The following SERTM1 variants were observed in gnomAD, a reference collection of about 807,000 sequenced individuals.
The protein encoded by SERTM1 is serine-rich and transmembrane domain-containing protein 1.
SERTM1 carries 1 observed loss-of-function variant against 5.5 expected under a neutral mutation model. The observed-to-expected ratio is 0.18, with a 90% CI of 0.06 to 0.86. The LOEUF (loss-of-function observed/expected upper bound fraction) is 0.86. Ranked by LOEUF, SERTM1 falls within the 40% of genes least tolerant of loss-of-function variation. The pLI, the probability that SERTM1 is intolerant of heterozygous loss-of-function variation, is 0.69. For synonymous variants in SERTM1, 52 were observed against 55.1 expected (o/e 0.94, Z 0.25); for missense variants, 91 against 122.4 (o/e 0.74, Z 1.21).
Position 36,694,876 on chromosome 13 carries a change from A to G in SERTM1, c.-173-30A>G. 7.3e-6 allele frequency: 4 copies of G among 546,622 alleles called. No homozygotes were observed. In the South Asian group the frequency reaches 1.1e-4, roughly 15 times the overall value. 33.9% of individuals were successfully genotyped at this position (546,622 alleles called of 1,614,324 possible). A position where few individuals can be genotyped will look rare whatever the true frequency, so the allele number is the denominator to read the frequency against. The stretch of plus-strand genomic sequence containing the variant: ...TGGAATTTAAATGTGATTTTTCTGA[A>G]GAATGCACTGACTTGCTTTTTTTTT... On this transcript the variant is annotated intron_variant, in intron 1 of 1. Coordinates refer to ENST00000315190, the MANE Select transcript of SERTM1 (RefSeq NM_203451.3).
chr13:36,685,343 T>C (rs1421383859), intron 1 of SERTM1, among the ~76,000 whole-genome samples: 2 of 152,162 alleles, frequency 1.3e-5, no homozygotes, highest in Non-Finnish European at 2.9e-5. Flanking sequence ...CCTCTTTCTG[T>C]TTTCTCCCTT....
intron 1 of SERTM1, among the ~76,000 whole-genome samples, chr13:36,685,855 T>C (rs1465319818): frequency 1.3e-5 from 2 of 152,230 alleles, no homozygotes; most frequent in African/African-American, 4.8e-5. Flanking sequence ...CTGCTGCTTC[T>C]GTTTCCTGAA....
At chr13:36,687,666 A>C (rs184652015) in intron 1 of SERTM1, among the ~76,000 whole-genome samples, 31 of 152,304 alleles carry the variant, frequency 2.0e-4, no homozygotes, top group African/African-American at 3.6e-4. Context: ...AAGATATTCT[A>C]AGTGGCAAAG....
chr13:36,677,149 G>A (rs953078388), intron 1 of SERTM1, among the ~76,000 whole-genome samples: 4 of 152,114 alleles, frequency 2.6e-5, no homozygotes, highest in African/African-American at 9.7e-5. Flanking sequence ...GACATAAAAT[G>A]CGTCCTTCAC....
Position 36,696,965 on chromosome 13 carries a change from G to T in SERTM1, c.*1563G>T, listed in dbSNP as rs529413815. On this transcript the variant is annotated 3_prime_UTR_variant, in exon 2 of 2. Coordinates refer to ENST00000315190, the MANE Select transcript of SERTM1 (RefSeq NM_203451.3). ...GGAAAGAATCCACTATTTGTACAGG[G>T]TTTATCTTTATCATACTAAAATGCT... 41 of 167,042 alleles carry T rather than the reference G, an allele frequency of 2.5e-4. No homozygotes were observed. The highest frequency in any genetic ancestry group is 2.2e-3 in the Admixed American group (34 of 15,268). 10.3% of individuals were successfully genotyped at this position (167,042 alleles called of 1,614,324 possible).
chr13:36,690,337 C>T (rs547913497), intron 1 of SERTM1, among the ~76,000 whole-genome samples: 1 of 152,300 alleles, frequency 6.6e-6, no homozygotes, highest in South Asian at 2.1e-4. Context: ...TAAGTAAAGG[C>T]GGTTCTCAAA....
intron 1 of SERTM1, among the ~76,000 whole-genome samples, chr13:36,678,748 T>C (rs1241859762): frequency 1.3e-5 from 2 of 150,862 alleles, no homozygotes; most frequent in Non-Finnish European, 3.0e-5. Context: ...TGTGTGACTC[T>C]TCTGTCATTT....
At chr13:36,675,079 G>T (rs183726461) in intron 1 of SERTM1, among the ~76,000 whole-genome samples, 1 of 152,188 alleles carries the variant, frequency 6.6e-6, no homozygotes, top group Non-Finnish European at 1.5e-5. Context: ...ATGCCTGCCC[G>T]CTTTCCTCCA....
chr13:36,678,695 A>ATATAT (rs1395603891), intron 1 of SERTM1, among the ~76,000 whole-genome samples: 14 of 147,496 alleles, frequency 9.5e-5, no homozygotes, highest in Non-Finnish European at 1.2e-4. Flanking sequence ...ATATATATAT[A>ATATAT]AAATATAGTC....
intron 1 of SERTM1, among the ~76,000 whole-genome samples, chr13:36,678,417 T>G (rs2138083772): frequency 6.6e-6 from 1 of 152,108 alleles, no homozygotes; most frequent in African/African-American, 2.4e-5. Context: ...AAGGTTACTT[T>G]CTTGACTTAG....
At position 36,695,645 on chromosome 13, in the gene SERTM1, A is replaced by G. The variant is rs1043908569; in HGVS notation, c.*243A>G. 3.6e-6 allele frequency: 2 copies of G among 556,244 alleles called. No homozygotes were observed. Among genetic ancestry groups the G allele is most frequent in the Non-Finnish European group, 6.5e-6 (2 of 307,322 alleles). 34.5% of individuals were successfully genotyped at this position (556,244 alleles called of 1,614,324 possible). A position where few individuals can be genotyped will look rare whatever the true frequency, so the allele number is the denominator to read the frequency against. ...TTCACACAAATGGCTTGATGAATCT[A>G]GACTGGGCTTCTTCAGGTAAGTCAG... On this transcript the variant is annotated 3_prime_UTR_variant, in exon 2 of 2. Coordinates refer to ENST00000315190, the MANE Select transcript of SERTM1 (RefSeq NM_203451.3).
chr13:36,696,962 A>T lies in SERTM1; in HGVS notation c.*1560A>T, dbSNP rs562248107. 4.7e-4 allele frequency: 78 copies of T among 167,146 alleles called. No individual in the cohort carries two copies. Among genetic ancestry groups the T allele is most frequent in the African/African-American group, 1.8e-3 (75 of 41,578 alleles). The allele number at this position is 167,146 out of a possible 1,614,324, so 10.4% of individuals were successfully genotyped here. On this transcript the variant is annotated 3_prime_UTR_variant, in exon 2 of 2. Coordinates refer to ENST00000315190, the MANE Select transcript of SERTM1 (RefSeq NM_203451.3). Reference sequence around the variant, plus strand: ...GGGGGAAAGAATCCACTATTTGTACAGGGTTTATCTTTATCATACTAAAAT... The same window carrying T: ...GGGGGAAAGAATCCACTATTTGTACTGGGTTTATCTTTATCATACTAAAAT...
chr13:36,692,942 C>T (rs1037377111), intron 1 of SERTM1, among the ~76,000 whole-genome samples: 4 of 152,184 alleles, frequency 2.6e-5, no homozygotes, highest in Non-Finnish European at 5.9e-5. Context: ...TCCTGCTTTA[C>T]CTGCCCTGCA....
chr13:36,676,119 A>G lies in SERTM1; in HGVS notation c.-174+1935A>G, dbSNP rs544894196. 5.3e-5 allele frequency among the ~76,000 whole-genome samples: 8 copies of G among 152,320 alleles called. No individual in the cohort carries two copies. In the East Asian group the frequency reaches 9.6e-4, roughly 18 times the overall value. On this transcript the variant is annotated intron_variant, in intron 1 of 1. Coordinates refer to ENST00000315190, the MANE Select transcript of SERTM1 (RefSeq NM_203451.3). ...TAACTGTGTGATTGCATGTGGCATC[A>G]AATCCACGAGAGAGTTTATTTGCAG...
Position 36,695,113 on chromosome 13 carries a change from G to A in SERTM1, c.35G>A (p.Gly12Glu). ...SEPDTSSGFS[G>E]SVENGTFLEL... ...CCTGACACTTCCTCAGGATTTTCGG[G>A]AAGTGTGGAGAATGGAACTTTTCTT... is the stretch of plus-strand genomic sequence containing the variant. The change falls in exon 2 of 2, where the codon GGA becomes GAA. Residue 12 changes from glycine (G) to glutamate (E), a missense_variant. Gly to Glu is a moderately conservative substitution (Grantham distance 98). Transcript: ENST00000315190. The A allele has an allele frequency of 6.2e-7, 1 of 1,614,048 alleles. No homozygotes were observed.
In SERTM1 at chr13:36,695,390, C is replaced by G; in HGVS notation, c.312C>G (p.Asn104Lys). ...CCTCTCAGAGGTCCACTTTTTCAAA[C>G]CTTTCATCCTGAGGAAAATGGAAGA... Reference protein sequence around the residue: ...SISSQRSTFSNLSS With the variant: ...SISSQRSTFSKLSS The change falls in exon 2 of 2, where the codon AAC becomes AAG. Residue 104 changes from asparagine to lysine, a missense_variant. Asn to Lys is a moderately conservative substitution (Grantham distance 94). Transcript: ENST00000315190. The G allele has an allele frequency of 6.2e-7, 1 of 1,612,510 alleles. No individual in the cohort carries two copies. The highest frequency in any genetic ancestry group is 1.1e-5 in the South Asian group (1 of 90,962).
intron 1 of SERTM1, among the ~76,000 whole-genome samples, chr13:36,691,448 C>T (rs1436510308): frequency 1.3e-5 from 2 of 152,180 alleles, no homozygotes; most frequent in African/African-American, 4.8e-5. Context: ...TTCCTCACTT[C>T]ACTAGGGGAC....
At chr13:36,679,303 C>T (rs1486959712) in intron 1 of SERTM1, among the ~76,000 whole-genome samples, 1 of 152,206 alleles carries the variant, frequency 6.6e-6, no homozygotes, top group Non-Finnish European at 1.5e-5. Flanking sequence ...GACTGAAAGC[C>T]TGCTGTTTGT....
chr13:36,695,566 G>C lies in SERTM1; in HGVS notation c.*164G>C, dbSNP rs2056808208. On this transcript the variant is annotated 3_prime_UTR_variant, in exon 2 of 2. Transcript: ENST00000315190. ...TTCTGTTCATGATGCTTTTCATTTG[G>C]GGATGGAGACACCGATGTTGGTGGA... The C allele has an allele frequency of 1.6e-6, 1 of 637,102 alleles. No homozygotes were observed. The highest frequency in any genetic ancestry group is 2.0e-5 in the South Asian group (1 of 48,922). The allele number at this position is 637,102 out of a possible 1,614,324, so 39.5% of individuals were successfully genotyped here.
Sources: gnomAD v4.1 joint callset for allele counts (sites outside exome capture counted in the v4.1 genomes callset) on GRCh38, gnomAD v4.1.1 for gene constraint, MANE v1.5 for transcripts, NCBI Gene and HGNC (gene_info 2026-07-23, HGNC 2026-07-21) for gene names.